CACUL1: variants seen among roughly 807,000 people sequenced by gnomAD.
CACUL1 encodes CDK2-associated and cullin domain-containing protein 1.
In CACUL1, 13 loss-of-function variants were observed where a neutral mutation model predicts 45.2. The observed-to-expected ratio is 0.29, with a 90% CI of 0.19 to 0.46. The LOEUF is 0.46. Among genes scored for constraint, CACUL1 ranks in the 20% least tolerant of loss-of-function variants. CACUL1 has a pLI of 1.00. For synonymous variants in CACUL1, 197 were observed against 174.2 expected (o/e 1.13, Z -1.03); for missense variants, 421 against 471.4 (o/e 0.89, Z 0.99).
At chr10:118,743,163 T>C (rs559975056) in intron 1 of CACUL1, among the ~76,000 whole-genome samples, 1 of 151,846 alleles carries the variant, frequency 6.6e-6, no homozygotes, top group Non-Finnish European at 1.5e-5. Context: ...GCATTAAAAC[T>C]TACCCAAACT....
chr10:118,687,300 G>C (rs1845217123), intron 7 of CACUL1, among the ~76,000 whole-genome samples: 1 of 152,028 alleles, frequency 6.6e-6, no homozygotes, highest in African/African-American at 2.4e-5. Flanking sequence ...AGATCTACAG[G>C]TCCAACTCCT....
At chr10:118,749,912 G>T (rs10787860) in intron 1 of CACUL1, among the ~76,000 whole-genome samples, 85,920 of 152,060 alleles carry the variant, frequency 0.57, 25,606 homozygotes, top group Non-Finnish European at 0.68. Flanking sequence ...GTGAAGTCAG[G>T]AATATCAACA....
At position 118,730,101 on chromosome 10, in the gene CACUL1, GA is replaced by G. The variant is rs372342393; in HGVS notation, c.494+182del. On this transcript the variant is annotated intron_variant, in intron 2 of 8. Coordinates refer to ENST00000369151, the MANE Select transcript of CACUL1 (RefSeq NM_153810.5). ...TGGCAGGCTTCCTCTGTCATGATCT[GA>G]AAACCACTTTTGAATCAAAAAGTAT... Among the ~76,000 whole-genome samples, 63 of 152,278 alleles carry G rather than the reference GA, an allele frequency of 4.1e-4. No individual in the cohort carries two copies. The East Asian group carries it at 0.011, about 26-fold the overall frequency.
intron 3 of CACUL1, chr10:118,726,253 C>T (rs1350114272): frequency 8.5e-7 from 1 of 1,169,754 alleles, no homozygotes; most frequent in Non-Finnish European, 1.1e-6. Context: ...ACACATCACA[C>T]TGAACAAATA....
At chr10:118,718,451 T>C (rs1238503539) in intron 3 of CACUL1, among the ~76,000 whole-genome samples, 2 of 152,234 alleles carry the variant, frequency 1.3e-5, no homozygotes, top group Non-Finnish European at 2.9e-5. Context: ...ACAGTTGTTT[T>C]GAAACACAGC....
Position 118,754,426 on chromosome 10 carries a change from T to C in CACUL1, c.337A>G (p.Ile113Val), listed in dbSNP as rs1845932717. The change falls in exon 1 of 9, where the codon ATC becomes GTC. Residue 113 changes from isoleucine to valine, a missense_variant. Transcript: ENST00000369151. ...AAPAPTASST[I>V]NINTSTSKFL... The stretch of plus-strand genomic sequence containing the variant: ...TTGGAGGTGGAGGTGTTGATGTTGA[T>C]GGTGGAGCTGGCGGTGGGGGCGGGG... The C allele has an allele frequency of 3.1e-6, 5 of 1,595,508 alleles. No individual in the cohort carries two copies. The highest frequency in any genetic ancestry group is 2.3e-5 in the East Asian group (1 of 43,898).
chr10:118,686,001 T>A lies in CACUL1; in HGVS notation c.*127A>T. 1.0e-5 allele frequency: 5 copies of A among 492,172 alleles called. No homozygotes were observed. Among genetic ancestry groups the A allele is most frequent in the East Asian group, 3.3e-5 (1 of 30,028 alleles). 30.5% of individuals were successfully genotyped at this position (492,172 alleles called of 1,614,324 possible). A position where few individuals can be genotyped will look rare whatever the true frequency, so the allele number is the denominator to read the frequency against. ...TACAAACCAAGTAAGAAGTCCAACA[T>A]CCTCTTCCATGAACAGCTTTGTGAC... On this transcript the variant is annotated 3_prime_UTR_variant, in exon 9 of 9. Transcript: ENST00000369151.
chr10:118,715,964 C>T (rs1027806080), intron 3 of CACUL1, among the ~76,000 whole-genome samples: 2 of 152,122 alleles, frequency 1.3e-5, no homozygotes, highest in Non-Finnish European at 1.5e-5. Flanking sequence ...CGGCTGGGCG[C>T]GGTGGCTCAC....
chr10:118,736,568 C>A lies in CACUL1; in HGVS notation c.368-6158G>T, dbSNP rs536948951. ...TGTTCCCCAGGCTGGTCTTAAAACT[C>A]CTGGGCTCAAGTGATCTGCCTGTCT... On this transcript the variant is annotated intron_variant, in intron 1 of 8. Coordinates refer to ENST00000369151, the MANE Select transcript of CACUL1 (RefSeq NM_153810.5). 4.1e-5 allele frequency among the ~76,000 whole-genome samples: 6 copies of A among 146,960 alleles called. No individual in the cohort carries two copies. The East Asian group carries it at 1.2e-3, about 28-fold the overall frequency.
rs548019760 is a variant in CACUL1 at position 118,744,488 on chromosome 10, G to A, written c.367+9908C>T. On this transcript the variant is annotated intron_variant, in intron 1 of 8. Transcript: ENST00000369151. Reference sequence around the variant, plus strand: ...GGATGCCAGGGGCAGGGAGAAGTGAGGAAACGGAACTAATTGCTTAATGGG... The same window carrying A: ...GGATGCCAGGGGCAGGGAGAAGTGAAGAAACGGAACTAATTGCTTAATGGG... Among the ~76,000 whole-genome samples the A allele has an allele frequency of 7.2e-5, 11 of 152,282 alleles. No homozygotes were observed. The East Asian group carries it at 2.1e-3, about 29-fold the overall frequency.
chr10:118,704,296 A>G (rs1845412936), intron 4 of CACUL1, among the ~76,000 whole-genome samples: 1 of 152,058 alleles, frequency 6.6e-6, no homozygotes. Flanking sequence ...CCTTTCTACT[A>G]AACTTCTACA....
intron 4 of CACUL1, among the ~76,000 whole-genome samples, chr10:118,704,756 G>A (rs974688269): frequency 6.6e-6 from 1 of 152,200 alleles, no homozygotes; most frequent in Non-Finnish European, 1.5e-5. Context: ...GACACAAGGT[G>A]GGGGTGGGGG....
At position 118,737,382 on chromosome 10, in the gene CACUL1, TGAC is replaced by T. The variant is rs529524447; in HGVS notation, c.368-6975_368-6973del. ...CCTCAGTATATTCATTACATTCAGA[TGAC>T]AACAACCAGATGACACTGATGTCTT... On this transcript the variant is annotated intron_variant, in intron 1 of 8. Coordinates refer to ENST00000369151, the MANE Select transcript of CACUL1 (RefSeq NM_153810.5). Among the ~76,000 whole-genome samples the T allele has an allele frequency of 1.2e-4, 18 of 152,326 alleles. No homozygotes were observed. In the East Asian group the frequency reaches 2.7e-3, roughly 23 times the overall value.
rs202207798 is a variant in CACUL1, at chr10:118,686,644, G to A, written c.1026-3C>T. The A allele has an allele frequency of 6.9e-4, 1,104 of 1,611,630 alleles. 2 individuals carry two copies. Among genetic ancestry groups the A allele is most frequent in the Non-Finnish European group, 8.7e-4 (1,020 of 1,177,832 alleles). ...CTCTCTTCCGGGACTGGTCACCCCT[G>A]GGGATAAGAAGAGGCAGTCAACAAA... On this transcript the variant is annotated splice_polypyrimidine_tract_variant and splice_region_variant and intron_variant, in intron 7 of 8. Transcript: ENST00000369151.
intron 5 of CACUL1, among the ~76,000 whole-genome samples, chr10:118,695,715 G>A (rs1440598283): frequency 6.6e-6 from 1 of 152,232 alleles, no homozygotes; most frequent in African/African-American, 2.4e-5. Flanking sequence ...GGCAAGGGAT[G>A]ATAATGGCTC....
At chr10:118,736,719 C>T (rs1348000389) in intron 1 of CACUL1, among the ~76,000 whole-genome samples, 1 of 152,040 alleles carries the variant, frequency 6.6e-6, no homozygotes, top group Non-Finnish European at 1.5e-5. Context: ...TACAGAAAGG[C>T]CTTCACTTTC....
chr10:118,686,492 GAAC>G (rs981970419), intron 8 of CACUL1, 103 bp downstream of exon 8: 92 of 921,994 alleles, frequency 1.0e-4, no homozygotes, highest in Non-Finnish European at 1.5e-4. Flanking sequence ...TGCCTTATGA[GAAC>G]AACATGGGTA....
At chr10:118,695,873 A>T (rs565764575) in intron 5 of CACUL1, among the ~76,000 whole-genome samples, 5 of 152,314 alleles carry the variant, frequency 3.3e-5, no homozygotes, top group African/African-American at 1.2e-4. Context: ...TCACTAACAA[A>T]TACAAGTGAA....
In CACUL1 at chr10:118,685,887, G is replaced by A. The variant is rs1335097562; in HGVS notation, c.*241C>T. The A allele has an allele frequency of 5.8e-6, 2 of 344,108 alleles. No individual in the cohort carries two copies. Among genetic ancestry groups the A allele is most frequent in the Non-Finnish European group, 1.0e-5 (2 of 190,982 alleles). 21.3% of individuals were successfully genotyped at this position (344,108 alleles called of 1,614,324 possible). A position where few individuals can be genotyped will look rare whatever the true frequency, so the allele number is the denominator to read the frequency against. On this transcript the variant is annotated 3_prime_UTR_variant, in exon 9 of 9. Transcript: ENST00000369151. ...ATGCTTTTTCCTCACAGAATCTGTAGATAAACTCATTAAAAGATTGTCCCA... is the reference window on the plus strand; with the variant it reads ...ATGCTTTTTCCTCACAGAATCTGTAAATAAACTCATTAAAAGATTGTCCCA...
Sources: allele counts gnomAD v4.1 joint callset (sites outside exome capture counted in the v4.1 genomes callset), GRCh38; gene constraint gnomAD v4.1.1; transcripts MANE v1.5; gene names NCBI Gene and HGNC (gene_info 2026-07-23, HGNC 2026-07-21).